Variants in TAFA4 observed in about 807,000 individuals in gnomAD.
TAFA4 encodes chemokine-like protein TAFA-4.
Under a neutral mutation model 21.1 loss-of-function variants are expected in TAFA4, and 20 were observed. The ratio of observed to expected loss-of-function variants is 0.95; its 90% CI spans 0.67 to 1.38. The LOEUF is 1.38. Among genes scored for constraint, TAFA4 ranks in the 40% most tolerant of loss-of-function variants. The probability of loss-of-function intolerance (pLI) is 0.00; values close to 1 mark genes in which losing one functional copy is unlikely to be tolerated. For missense variants in TAFA4, 211 were observed against 180.9 expected (o/e 1.17, Z -0.95); for synonymous variants, 71 against 67.4 (o/e 1.05, Z -0.26).
chr3:68,759,424 T>A (rs1363311990), intron 3 of TAFA4, among the ~76,000 whole-genome samples: 2 of 152,176 alleles, frequency 1.3e-5, no homozygotes, highest in African/African-American at 4.8e-5. Context: ...TATTGTAGGA[T>A]GGGAGAAAAA....
At chr3:68,870,127 G>C (rs1298604094) in intron 3 of TAFA4, among the ~76,000 whole-genome samples, 1 of 151,948 alleles carries the variant, frequency 6.6e-6, no homozygotes, top group Non-Finnish European at 1.5e-5. Flanking sequence ...AAAATACCTA[G>C]AAATAAATTA....
intron 3 of TAFA4, among the ~76,000 whole-genome samples, chr3:68,860,163 T>C (rs576000925): frequency 6.6e-6 from 1 of 152,302 alleles, no homozygotes; most frequent in Non-Finnish European, 1.5e-5. Flanking sequence ...CCTGGTAACC[T>C]GCTGAAATGT....
In TAFA4 at chr3:68,827,782, G is replaced by A. The variant is rs577795730; in HGVS notation, c.130+52948C>T. ...AGTTCTTTGTAGATTCTGGATATTA[G>A]CCCTTGTCAGATGAGCAGATTGCAA... On this transcript the variant is annotated intron_variant, in intron 3 of 5. Coordinates refer to ENST00000295569, the MANE Select transcript of TAFA4 (RefSeq NM_182522.5). Among the ~76,000 whole-genome samples the A allele has an allele frequency of 3.9e-5, 6 of 152,138 alleles. No homozygotes were observed. The South Asian group carries it at 1.2e-3, about 32-fold the overall frequency.
intron 1 of TAFA4, among the ~76,000 whole-genome samples, chr3:68,906,264 C>T (rs960788980): frequency 2.6e-5 from 4 of 152,120 alleles, no homozygotes; most frequent in Non-Finnish European, 5.9e-5. Context: ...AACAGAAAAT[C>T]AGGTATTGAT....
At chr3:68,756,353 AT>A (rs1185452474) in intron 3 of TAFA4, among the ~76,000 whole-genome samples, 1 of 152,226 alleles carries the variant, frequency 6.6e-6, no homozygotes, top group African/African-American at 2.4e-5. Flanking sequence ...TTTCAGATAC[AT>A]CCATTTACAT....
rs1412483435 is a variant in TAFA4, at chr3:68,732,187, A to G, written c.*955T>C. On this transcript the variant is annotated 3_prime_UTR_variant, in exon 6 of 6. Coordinates refer to ENST00000295569, the MANE Select transcript of TAFA4 (RefSeq NM_182522.5). ...TAAAGAAATAAGATGGCTAACACAG[A>G]AGTCACAGAAGTAGGGAAACAGCTA... 1 of 152,594 alleles carries G rather than the reference A, an allele frequency of 6.6e-6. No homozygotes were observed. Among genetic ancestry groups the G allele is most frequent in the African/African-American group, 2.4e-5 (1 of 41,452 alleles). The allele number at this position is 152,594 out of a possible 1,614,324, so 9.5% of individuals were successfully genotyped here.
At chr3:68,746,031 T>TAAAAGCAG (rs911154721) in intron 4 of TAFA4, among the ~76,000 whole-genome samples, 2 of 152,188 alleles carry the variant, frequency 1.3e-5, no homozygotes, top group African/African-American at 4.8e-5. Context: ...ACAGCTAGGA[T>TAAAAGCAG]AAAAGCAGGC....
intron 3 of TAFA4, among the ~76,000 whole-genome samples, chr3:68,827,296 T>A (rs1388895813): frequency 6.6e-6 from 1 of 152,192 alleles, no homozygotes; most frequent in East Asian, 1.9e-4. Flanking sequence ...TGATGGACAT[T>A]TGGGTTGGTT....
chr3:68,882,163 T>A (rs1339092571), intron 2 of TAFA4, among the ~76,000 whole-genome samples: 1 of 152,178 alleles, frequency 6.6e-6, no homozygotes, highest in Non-Finnish European at 1.5e-5. Context: ...CAAAATGGTT[T>A]TAAACGGCTA....
At chr3:68,910,907 T>C (rs375725694) in intron 1 of TAFA4, among the ~76,000 whole-genome samples, 6 of 152,234 alleles carry the variant, frequency 3.9e-5, no homozygotes, top group Admixed American at 1.3e-4. Flanking sequence ...TGCTTGGTAC[T>C]TAATTAAGTG....
intron 3 of TAFA4, among the ~76,000 whole-genome samples, chr3:68,825,352 C>G (rs368052632): frequency 2.2e-4 from 33 of 152,312 alleles, no homozygotes; most frequent in African/African-American, 6.7e-4. Flanking sequence ...ATATGTACTA[C>G]ATTTTCTTTA....
intron 3 of TAFA4, among the ~76,000 whole-genome samples, chr3:68,873,778 A>T (rs912201914): frequency 3.3e-5 from 5 of 152,168 alleles, no homozygotes; most frequent in African/African-American, 1.2e-4. Flanking sequence ...TTCCAGAGCA[A>T]AGGAGACTTT....
intron 1 of TAFA4, among the ~76,000 whole-genome samples, chr3:68,929,869 A>G (rs1276556349): frequency 1.3e-5 from 2 of 152,260 alleles, no homozygotes; most frequent in African/African-American, 4.8e-5. Flanking sequence ...CACAGGCAAT[A>G]TAGAATCACT....
intron 1 of TAFA4, among the ~76,000 whole-genome samples, chr3:68,902,374 CT>C (rs942872939): frequency 3.4e-5 from 5 of 148,726 alleles, no homozygotes; most frequent in Non-Finnish European, 4.5e-5. Context: ...ATATCATTCA[CT>C]TTTTTTTTTG....
chr3:68,828,431 G>C (rs145855323), intron 3 of TAFA4, among the ~76,000 whole-genome samples: 2,665 of 152,200 alleles, frequency 0.018, 82 homozygotes, highest in African/African-American at 0.061. Context: ...GTGGTAGCTT[G>C]ATGGGAATAG....
At chr3:68,844,496 G>T (rs775512067) in intron 3 of TAFA4, among the ~76,000 whole-genome samples, 9 of 150,830 alleles carry the variant, frequency 6.0e-5, no homozygotes, top group Non-Finnish European at 1.2e-4. Flanking sequence ...TTTTTTGAAG[G>T]GTTTTTCATG....
At chr3:68,844,522 G>C (rs1484918753) in intron 3 of TAFA4, among the ~76,000 whole-genome samples, 1 of 150,956 alleles carries the variant, frequency 6.6e-6, no homozygotes. Flanking sequence ...ATCTCCTTCA[G>C]TTCTGCTCTG....
rs1246709844 is a variant in TAFA4 at position 68,899,439 on chromosome 3, A to C, written c.-122-14129T>G. ...CATTTCAAAAAAAGTTTTGGCATTT[A>C]CGGAAGGCTTCTTAAACTTCTTCCA... On this transcript the variant is annotated intron_variant, in intron 1 of 5. Transcript: ENST00000295569. 2.6e-5 allele frequency among the ~76,000 whole-genome samples: 4 copies of C among 152,116 alleles called. No homozygotes were observed. The East Asian group carries it at 7.7e-4, about 29-fold the overall frequency.
At chr3:68,886,745 C>T (rs559721341) in intron 1 of TAFA4, among the ~76,000 whole-genome samples, 1 of 152,294 alleles carries the variant, frequency 6.6e-6, no homozygotes, top group East Asian at 1.9e-4. Flanking sequence ...GAGGCACTTA[C>T]TTGAAAGAAT....
Sources: allele counts gnomAD v4.1 joint callset (sites outside exome capture counted in the v4.1 genomes callset), GRCh38; gene constraint gnomAD v4.1.1; transcripts MANE v1.5; gene names NCBI Gene and HGNC (gene_info 2026-07-23, HGNC 2026-07-21).